Variants in TTC29 observed in about 807,000 individuals in gnomAD.
TTC29 encodes tetratricopeptide repeat domain 29.
A neutral mutation model predicts 58.1 loss-of-function variants in TTC29; 49 were observed. The ratio of observed to expected loss-of-function variants is 0.84; its 90% CI spans 0.67 to 1.07. TTC29 has a LOEUF of 1.07. TTC29 is among the 50% of genes least tolerant of loss of function. TTC29 has a pLI of 0.00. For missense variants in TTC29, 582 were observed against 555.6 expected (o/e 1.05, Z -0.48); for synonymous variants, 209 against 196.8 (o/e 1.06, Z -0.52).
At chr4:146,711,854 CAATGTTAATATA>C (rs1401933286) in intron 11 of TTC29, among the ~76,000 whole-genome samples, 1 of 152,044 alleles carries the variant, frequency 6.6e-6, no homozygotes, top group Non-Finnish European at 1.5e-5. Context: ...GCCAGTATAT[CAATGTTAATATA>C]ATGGCACATC....
At chr4:146,749,784 G>T (rs1745841129) in intron 11 of TTC29, among the ~76,000 whole-genome samples, 1 of 152,118 alleles carries the variant, frequency 6.6e-6, no homozygotes, top group African/African-American at 2.4e-5. Context: ...AATTTTAAAA[G>T]CAGCAAGAGA....
chr4:146,867,714 C>T, intron 7 of TTC29, 131 bp from the exon 8 acceptor site: 1 of 473,680 alleles, frequency 2.1e-6, no homozygotes, highest in Non-Finnish European at 3.7e-6. Flanking sequence ...ATCCCCAAAA[C>T]CTAGCTATAT....
intron 10 of TTC29, among the ~76,000 whole-genome samples, chr4:146,814,724 CAAAAAAA>C (rs1023402149): frequency 1.1e-4 from 4 of 35,130 alleles, no homozygotes; most frequent in African/African-American, 1.7e-4. Context: ...GACTCCATCT[CAAAAAAA>C]AAAAAAAAAA....
intron 4 of TTC29, among the ~76,000 whole-genome samples, chr4:146,930,484 G>T (rs1735258440): frequency 6.6e-6 from 1 of 152,002 alleles, no homozygotes; most frequent in African/African-American, 2.4e-5. Flanking sequence ...TCCATAACTT[G>T]GTTTTGCTTT....
At chr4:146,844,604 C>A (rs1161362205) in intron 8 of TTC29, among the ~76,000 whole-genome samples, 1 of 151,944 alleles carries the variant, frequency 6.6e-6, no homozygotes, top group African/African-American at 2.4e-5. Flanking sequence ...TGGTCTTGAA[C>A]TCCTGGGCTC....
At chr4:146,928,098 A>G (rs754667555) in intron 4 of TTC29, among the ~76,000 whole-genome samples, 4 of 152,172 alleles carry the variant, frequency 2.6e-5, no homozygotes, top group Admixed American at 6.5e-5. Flanking sequence ...GAATCATGAG[A>G]CAGTAAGGAG....
chr4:146,845,659 T>A (rs1044716411), intron 8 of TTC29, among the ~76,000 whole-genome samples: 1 of 152,206 alleles, frequency 6.6e-6, no homozygotes, highest in African/African-American at 2.4e-5. Flanking sequence ...AGATTTACGA[T>A]GTGCAGGACT....
chr4:146,778,911 A>G (rs1185481070), intron 11 of TTC29, among the ~76,000 whole-genome samples: 1 of 148,912 alleles, frequency 6.7e-6, no homozygotes, highest in Non-Finnish European at 1.5e-5. Context: ...CTACACTAAA[A>G]GCGCAGACTT....
chr4:146,913,038 G>A (rs1733993959), intron 4 of TTC29, among the ~76,000 whole-genome samples: 1 of 152,114 alleles, frequency 6.6e-6, no homozygotes, highest in African/African-American at 2.4e-5. Context: ...GATAACTGGA[G>A]TTTCAGGAGC....
At position 146,867,428 on chromosome 4, in the gene TTC29, CAT is replaced by C. The variant is rs572154569; in HGVS notation, c.885+68_885+69del. 6.5e-6 allele frequency: 5 copies of C among 765,688 alleles called. No homozygotes were observed. In the East Asian group the frequency reaches 9.3e-5, roughly 14 times the overall value. The allele number at this position is 765,688 out of a possible 1,614,324, so 47.4% of individuals were successfully genotyped here. ...CTCATTTCTATTGGCCTTGTAATAA[CAT>C]ATAGGAAAATAAAATAAATATACTA... On this transcript the variant is annotated intron_variant, in intron 8 of 12. Coordinates refer to ENST00000325106, the MANE Select transcript of TTC29 (RefSeq NM_031956.4).
At chr4:146,942,716 A>G in intron 2 of TTC29, 1 of 1,252,410 alleles carries the variant, frequency 8.0e-7, no homozygotes, top group Non-Finnish European at 1.1e-6. Flanking sequence ...AGAAGAAAAC[A>G]ACTAAGTTTG....
chr4:146,763,448 G>A (rs1005881712), intron 11 of TTC29, among the ~76,000 whole-genome samples: 1 of 151,984 alleles, frequency 6.6e-6, no homozygotes, highest in African/African-American at 2.4e-5. Context: ...AGGCCTCCCA[G>A]CTCTACCAGA....
chr4:146,866,423 CT>C (rs201371076), intron 8 of TTC29, among the ~76,000 whole-genome samples: 4 of 151,412 alleles, frequency 2.6e-5, no homozygotes, highest in East Asian at 3.9e-4. Context: ...CTCTCAAAAA[CT>C]TTTTTTTTGG....
chr4:146,917,070 T>G (rs144178799), intron 4 of TTC29, among the ~76,000 whole-genome samples: 101 of 151,326 alleles, frequency 6.7e-4, no homozygotes, highest in African/African-American at 2.3e-3. Context: ...AAACAAATCA[T>G]TTTGTATCTC....
intron 10 of TTC29, among the ~76,000 whole-genome samples, chr4:146,807,792 C>A (rs1431953360): frequency 6.6e-6 from 1 of 152,122 alleles, no homozygotes; most frequent in South Asian, 2.1e-4. Context: ...AGATCCACAG[C>A]CAAATTCTAT....
At chr4:146,850,356 C>G (rs934751835) in intron 8 of TTC29, among the ~76,000 whole-genome samples, 1 of 152,228 alleles carries the variant, frequency 6.6e-6, no homozygotes, top group African/African-American at 2.4e-5. Flanking sequence ...TTTGAGCCAT[C>G]TGGCTTCAAA....
chr4:146,714,988 A>G (rs1219100529), intron 11 of TTC29, among the ~76,000 whole-genome samples: 2 of 151,210 alleles, frequency 1.3e-5, no homozygotes, highest in Non-Finnish European at 2.9e-5. Flanking sequence ...GTATGCCACC[A>G]TGTCTGGCTA....
At chr4:146,794,913 A>G (rs528067799) in intron 11 of TTC29, among the ~76,000 whole-genome samples, 1 of 152,114 alleles carries the variant, frequency 6.6e-6, no homozygotes, top group Non-Finnish European at 1.5e-5. Context: ...CTAAAGTTTG[A>G]AATTAACTCA....
At chr4:146,861,390 A>G (rs1730222207) in intron 8 of TTC29, among the ~76,000 whole-genome samples, 1 of 152,240 alleles carries the variant, frequency 6.6e-6, no homozygotes, top group Non-Finnish European at 1.5e-5. Flanking sequence ...TTCCTTCCCC[A>G]GCACATGGCA....
Sources: allele counts gnomAD v4.1 joint callset (sites outside exome capture counted in the v4.1 genomes callset), GRCh38; gene constraint gnomAD v4.1.1; transcripts MANE v1.5; gene names NCBI Gene and HGNC (gene_info 2026-07-23, HGNC 2026-07-21).